Variants in DIAPH3 observed in about 807,000 individuals in gnomAD.
DIAPH3 encodes diaphanous related formin 3.
Under a neutral mutation model 144.3 loss-of-function variants are expected in DIAPH3, and 117 were observed. That is an observed-to-expected ratio of 0.81 (90% CI 0.70 to 0.95). The LOEUF is 0.95. Ranked by LOEUF, DIAPH3 falls within the 40% of genes least tolerant of loss-of-function variation. The pLI is 0.00. For synonymous variants in DIAPH3, 519 were observed against 488.9 expected, an observed-to-expected ratio of 1.06 and a Z score of -0.81; for missense variants, 1,421 against 1,412.7, an observed-to-expected ratio of 1.01 and a Z score of -0.09.
At chr13:59,913,263 C>T (rs950330891) in intron 19 of DIAPH3, among the ~76,000 whole-genome samples, 2 of 152,052 alleles carry the variant, frequency 1.3e-5, no homozygotes, top group African/African-American at 4.8e-5. Flanking sequence ...CATAAAAATA[C>T]TATTGTGATT....
chr13:59,918,935 A>T (rs2047373771), intron 18 of DIAPH3, among the ~76,000 whole-genome samples: 1 of 71,516 alleles, frequency 1.4e-5, no homozygotes, highest in South Asian at 7.8e-4. Context: ...AGTGAACTTC[A>T]AGAAAATACA....
chr13:59,807,103 A>G lies in DIAPH3; in HGVS notation c.3163+3685T>C, dbSNP rs577694045. Among the ~76,000 whole-genome samples the G allele has an allele frequency of 6.6e-5, 10 of 152,076 alleles. No homozygotes were observed. In the East Asian group the frequency reaches 1.7e-3, roughly 26 times the overall value. ...AGTTATCAATAAATAAGCATGTAGTAATATATTTGTTATATGGTTATATGA... is the reference window on the plus strand; with the variant it reads ...AGTTATCAATAAATAAGCATGTAGTGATATATTTGTTATATGGTTATATGA... On this transcript the variant is annotated intron_variant, in intron 25 of 27. Coordinates refer to ENST00000400324, the MANE Select transcript of DIAPH3 (RefSeq NM_001042517.2).
intron 27 of DIAPH3, among the ~76,000 whole-genome samples, chr13:59,701,785 C>G (rs533415923): frequency 6.6e-6 from 1 of 152,298 alleles, no homozygotes; most frequent in South Asian, 2.1e-4. Flanking sequence ...AACTCAATGG[C>G]CATACATACA....
intron 13 of DIAPH3, among the ~76,000 whole-genome samples, chr13:59,983,338 T>C (rs1434643874): frequency 1.3e-5 from 2 of 151,478 alleles, no homozygotes; most frequent in African/African-American, 4.8e-5. Context: ...GCACTGGTCA[T>C]ATGCAGCAGA....
At chr13:60,061,140 G>A (rs1044915614) in intron 4 of DIAPH3, among the ~76,000 whole-genome samples, 1 of 152,054 alleles carries the variant, frequency 6.6e-6, no homozygotes, top group African/African-American at 2.4e-5. Context: ...CAAGAACCAG[G>A]TCTTAAAAGA....
intron 27 of DIAPH3, among the ~76,000 whole-genome samples, chr13:59,684,385 A>G (rs566018955): frequency 6.6e-6 from 1 of 152,350 alleles, no homozygotes; most frequent in South Asian, 2.1e-4. Context: ...GTGACAGCTT[A>G]GATCAGAGGG....
chr13:59,758,953 ATTTTTT>A (rs915956860), intron 27 of DIAPH3, among the ~76,000 whole-genome samples: 3 of 130,146 alleles, frequency 2.3e-5, no homozygotes, highest in Admixed American at 1.6e-4. Context: ...CTAATTTTGA[ATTTTTT>A]TTTTTTTTTT....
At chr13:59,899,612 T>C (rs549577427) in intron 20 of DIAPH3, among the ~76,000 whole-genome samples, 14 of 152,266 alleles carry the variant, frequency 9.2e-5, no homozygotes, top group Non-Finnish European at 1.9e-4. Flanking sequence ...TAGAGCCTTG[T>C]AGACTACTAC....
At chr13:59,816,790 C>A (rs1045980443) in intron 24 of DIAPH3, among the ~76,000 whole-genome samples, 88 of 151,696 alleles carry the variant, frequency 5.8e-4, no homozygotes, top group Non-Finnish European at 1.1e-3. Flanking sequence ...GTGTAAAGAT[C>A]AAATCACGGT....
Position 60,127,142 on chromosome 13 carries a change from A to T in DIAPH3, c.213+5815T>A, listed in dbSNP as rs189826944. ...AACACAGAAAACACAAATTATCAAT[A>T]TGAGGATTGCAAAGGGGGTAATTAA... On this transcript the variant is annotated intron_variant, in intron 2 of 27. Coordinates refer to ENST00000400324, the MANE Select transcript of DIAPH3 (RefSeq NM_001042517.2). Among the ~76,000 whole-genome samples, 47 of 152,244 alleles carry T rather than the reference A, an allele frequency of 3.1e-4. No individual in the cohort carries two copies. The East Asian group carries it at 8.9e-3, about 29-fold the overall frequency.
intron 5 of DIAPH3, among the ~76,000 whole-genome samples, chr13:60,018,401 C>G (rs1232045001): frequency 6.6e-6 from 1 of 151,958 alleles, no homozygotes; most frequent in African/African-American, 2.4e-5. Context: ...AAACACAAAT[C>G]CATGTAAATC....
At chr13:60,113,665 C>A (rs983912060) in intron 2 of DIAPH3, among the ~76,000 whole-genome samples, 1 of 152,156 alleles carries the variant, frequency 6.6e-6, no homozygotes, top group Non-Finnish European at 1.5e-5. Flanking sequence ...GTCAACCCAA[C>A]AGAAAACTGA....
chr13:59,679,936 C>G (rs1441600653), intron 27 of DIAPH3, among the ~76,000 whole-genome samples: 1 of 152,076 alleles, frequency 6.6e-6, no homozygotes, highest in Non-Finnish European at 1.5e-5. Context: ...TTTTTCAACT[C>G]TAAATACAAA....
At position 59,781,221 on chromosome 13, in the gene DIAPH3, G is replaced by A. The variant is rs118190273; in HGVS notation, c.3164-6398C>T. The stretch of plus-strand genomic sequence containing the variant: ...GTAGGAAGGAAATAAGACTAGGACT[G>A]GATTTCTCAGTGGCAACACTGAATT... On this transcript the variant is annotated intron_variant, in intron 25 of 27. Transcript: ENST00000400324. 3.3e-4 allele frequency among the ~76,000 whole-genome samples: 51 copies of A among 152,300 alleles called. No individual in the cohort carries two copies. In the East Asian group the frequency reaches 3.7e-3, roughly 11 times the overall value.
At chr13:59,739,804 G>A (rs2036354760) in intron 27 of DIAPH3, among the ~76,000 whole-genome samples, 1 of 151,982 alleles carries the variant, frequency 6.6e-6, no homozygotes, top group Non-Finnish European at 1.5e-5. Context: ...ATACACAAGA[G>A]TATAAAGTCA....
intron 1 of DIAPH3, among the ~76,000 whole-genome samples, chr13:60,136,809 G>A (rs751481608): frequency 2.0e-5 from 3 of 152,008 alleles, no homozygotes; most frequent in South Asian, 2.1e-4. Flanking sequence ...GCGTGGTGGC[G>A]GGTGCCTGCA....
chr13:59,895,696 G>A (rs34294354), intron 20 of DIAPH3, among the ~76,000 whole-genome samples: 6 of 152,312 alleles, frequency 3.9e-5, no homozygotes, highest in African/African-American at 1.4e-4. Flanking sequence ...GAGTATCTCA[G>A]AGAAATTTTC....
chr13:59,859,375 C>G (rs1291438599), intron 22 of DIAPH3, among the ~76,000 whole-genome samples: 1 of 152,040 alleles, frequency 6.6e-6, no homozygotes, highest in Non-Finnish European at 1.5e-5. Context: ...CCCAGAAGAA[C>G]CAAACCAAGT....
intron 25 of DIAPH3, among the ~76,000 whole-genome samples, chr13:59,795,979 T>C (rs1373257243): frequency 6.6e-6 from 1 of 152,196 alleles, no homozygotes; most frequent in Non-Finnish European, 1.5e-5. Context: ...ATTAGATTAG[T>C]TAATTTGCTA....
Sources: allele counts gnomAD v4.1 joint callset (sites outside exome capture counted in the v4.1 genomes callset), GRCh38; gene constraint gnomAD v4.1.1; transcripts MANE v1.5; gene names NCBI Gene and HGNC (gene_info 2026-07-23, HGNC 2026-07-21).